Variants in SPPL3 observed in about 807,000 individuals in gnomAD.
SPPL3 encodes the protein signal peptide peptidase like 3.
In SPPL3, 5 loss-of-function variants were observed where a neutral mutation model predicts 42.4. The ratio of observed to expected loss-of-function variants is 0.12; its 90% confidence interval spans 0.06 to 0.25. SPPL3 has a LOEUF of 0.25. Ranked by LOEUF, SPPL3 falls within the 10% of genes least tolerant of loss-of-function variation. SPPL3 has a pLI of 1.00. For missense variants in SPPL3, 235 were observed against 489.0 expected (o/e 0.48, Z 4.90); for synonymous variants, 195 against 181.8 (o/e 1.07, Z -0.58).
chr12:120,876,243 T>C (rs992499808), intron 1 of SPPL3, among the ~76,000 whole-genome samples: 1 of 151,928 alleles, frequency 6.6e-6, no homozygotes, highest in South Asian at 2.1e-4. Flanking sequence ...AGAATTAAAC[T>C]AGAAATTAAT....
chr12:120,882,107 G>A (rs1297556837), intron 1 of SPPL3, among the ~76,000 whole-genome samples: 2 of 151,962 alleles, frequency 1.3e-5, no homozygotes, highest in Admixed American at 6.6e-5. Flanking sequence ...CTCCTGCCTG[G>A]GATGTCACTC....
At chr12:120,829,344 C>A (rs1463357976) in intron 1 of SPPL3, among the ~76,000 whole-genome samples, 1 of 152,058 alleles carries the variant, frequency 6.6e-6, no homozygotes, top group Non-Finnish European at 1.5e-5. Context: ...GCCTGTAATC[C>A]CAGCACTTTG....
At chr12:120,845,519 G>A (rs1871995399) in intron 1 of SPPL3, 2 of 449,854 alleles carry the variant, frequency 4.4e-6, no homozygotes, top group Non-Finnish European at 8.6e-6. Flanking sequence ...TGGTGGGAAT[G>A]GTGGTCACCA....
intron 1 of SPPL3, among the ~76,000 whole-genome samples, chr12:120,832,169 CTG>C (rs1193753876): frequency 1.3e-5 from 2 of 152,102 alleles, no homozygotes; most frequent in Non-Finnish European, 1.5e-5. Context: ...CAAAATAACC[CTG>C]TGACAACATT....
At chr12:120,791,353 GT>G (rs1361882916) in intron 3 of SPPL3, 115 bp downstream of exon 3, 20 of 650,110 alleles carry the variant, frequency 3.1e-5, no homozygotes, top group East Asian at 1.8e-4. Flanking sequence ...ATAATTCAAT[GT>G]TTTTTTATAC....
At position 120,782,780 on chromosome 12, in the gene SPPL3, C is replaced by A. The variant is rs367658051; in HGVS notation, c.390-13G>T. 1.3e-6 allele frequency: 2 copies of A among 1,580,456 alleles called. No homozygotes were observed. Among genetic ancestry groups the A allele is most frequent in the African/African-American group, 1.3e-5 (1 of 74,110 alleles). On this transcript the variant is annotated splice_polypyrimidine_tract_variant and intron_variant, in intron 5 of 10. Transcript: ENST00000353487. Reference sequence around the variant, plus strand: ...ACCAAAGGAAATCCTGGAAAACACACAACACTTATTGGACAGTGGGCACAC... The same window carrying A: ...ACCAAAGGAAATCCTGGAAAACACAAAACACTTATTGGACAGTGGGCACAC...
chr12:120,774,126 A>C (rs1376107046), intron 6 of SPPL3, among the ~76,000 whole-genome samples: 1 of 152,044 alleles, frequency 6.6e-6, no homozygotes, highest in Non-Finnish European at 1.5e-5. Flanking sequence ...TCCAAATAAG[A>C]AAGTCTGGGT....
chr12:120,783,396 G>A (rs1255766536), intron 5 of SPPL3, among the ~76,000 whole-genome samples: 5 of 152,120 alleles, frequency 3.3e-5, no homozygotes, highest in South Asian at 2.1e-4. Flanking sequence ...TGAAAGCACC[G>A]TTTCAAAAGA....
Position 120,782,692 on chromosome 12 carries a change from G to C in SPPL3, c.465C>G (p.Leu155=). The C allele has an allele frequency of 6.2e-7, 1 of 1,611,826 alleles. No individual in the cohort carries two copies. The highest frequency in any genetic ancestry group is 8.5e-7 in the Non-Finnish European group (1 of 1,178,808). Residue 155 remains leucine, a synonymous_variant, in exon 6 of 11, where the codon CTC becomes CTG. Transcript: ENST00000353487. ...LSFSLSVMLV[L]IWVLTGHWLL... is the part of the protein sequence containing the mutation. ...GCCAATGGCCAGTGAGAACCCAGATGAGGACGAGCATGACAGACAGAGAGA... is the reference window on the plus strand; with the variant it reads ...GCCAATGGCCAGTGAGAACCCAGATCAGGACGAGCATGACAGACAGAGAGA...
At chr12:120,869,627 A>G (rs1229563977) in intron 1 of SPPL3, among the ~76,000 whole-genome samples, 1 of 152,214 alleles carries the variant, frequency 6.6e-6, no homozygotes, top group Non-Finnish European at 1.5e-5. Context: ...AAACGGGTAT[A>G]TATGACTAGG....
intron 1 of SPPL3, chr12:120,902,009 G>C: frequency 3.8e-6 from 3 of 792,722 alleles, no homozygotes; most frequent in Non-Finnish European, 4.6e-6. Context: ...ACAGCCATTA[G>C]GGCCAGAGTA....
chr12:120,850,656 C>G (rs1872193489), intron 1 of SPPL3, among the ~76,000 whole-genome samples: 1 of 152,210 alleles, frequency 6.6e-6, no homozygotes, highest in African/African-American at 2.4e-5. Context: ...TTTCCTACTG[C>G]TGCTGTAGAA....
At chr12:120,847,603 A>T (rs1217145432) in intron 1 of SPPL3, among the ~76,000 whole-genome samples, 1 of 151,470 alleles carries the variant, frequency 6.6e-6, no homozygotes, top group African/African-American at 2.4e-5. Context: ...CTTATTTTTT[A>T]TTTTTTTAAG....
intron 1 of SPPL3, among the ~76,000 whole-genome samples, chr12:120,837,585 T>C (rs1274928739): frequency 6.6e-6 from 1 of 152,240 alleles, no homozygotes; most frequent in East Asian, 1.9e-4. Context: ...CTTTATATCA[T>C]ACAACAACCT....
intron 6 of SPPL3, among the ~76,000 whole-genome samples, chr12:120,773,464 G>C (rs1869196241): frequency 6.6e-6 from 1 of 152,102 alleles, no homozygotes; most frequent in African/African-American, 2.4e-5. Flanking sequence ...GGACAGACGG[G>C]AGACAGGAGT....
chr12:120,818,186 A>G (rs906886512), intron 1 of SPPL3, among the ~76,000 whole-genome samples: 2 of 152,224 alleles, frequency 1.3e-5, no homozygotes, highest in African/African-American at 4.8e-5. Flanking sequence ...ATTCTGAGAT[A>G]AAGGAATTCT....
intron 3 of SPPL3, 81 bp downstream of exon 3, chr12:120,791,388 T>G: frequency 1.1e-6 from 1 of 932,002 alleles, no homozygotes; most frequent in Non-Finnish European, 1.6e-6. Flanking sequence ...TTGAACCCAG[T>G]AAATTATTAA....
At chr12:120,845,661 T>C in intron 1 of SPPL3, 1 of 360,142 alleles carries the variant, frequency 2.8e-6, no homozygotes, top group East Asian at 6.9e-5. Context: ...TTCCCCATGC[T>C]TGTGGACAGG....
At chr12:120,810,221 A>G (rs945449628) in intron 2 of SPPL3, among the ~76,000 whole-genome samples, 2 of 152,064 alleles carry the variant, frequency 1.3e-5, no homozygotes, top group African/African-American at 4.8e-5. Context: ...GGCTCAAGCA[A>G]TCCTCCTGTC....
Sources: gnomAD v4.1 joint callset for allele counts (sites outside exome capture counted in the v4.1 genomes callset) on GRCh38, gnomAD v4.1.1 for gene constraint, MANE v1.5 for transcripts, NCBI Gene and HGNC (gene_info 2026-07-23, HGNC 2026-07-21) for gene names.